The following DDC variants were observed in gnomAD, a reference collection of about 807,000 sequenced individuals.
The protein encoded by DDC is dopa decarboxylase.
DDC carries 43 observed loss-of-function variants against 60.0 expected under a neutral mutation model. The observed-to-expected ratio is 0.72, with a 90% confidence interval of 0.56 to 0.92. The LOEUF (loss-of-function observed/expected upper bound fraction) is 0.92, where lower values mean the gene tolerates loss of function less well. Ranked by LOEUF, DDC falls within the 40% of genes least tolerant of loss-of-function variation. DDC has a pLI of 0.00. For synonymous variants in DDC, 232 were observed against 234.6 expected, an observed-to-expected ratio of 0.99 and a Z score of 0.10; for missense variants, 573 against 620.2, an observed-to-expected ratio of 0.92 and a Z score of 0.81.
intron 7 of DDC, among the ~76,000 whole-genome samples, chr7:50,501,616 G>C (rs1425048815): frequency 6.6e-6 from 1 of 152,186 alleles, no homozygotes; most frequent in African/African-American, 2.4e-5. Context: ...ATCATATATA[G>C]AATAAGGTCA....
At chr7:50,464,179 A>G (rs368504225) in intron 13 of DDC, among the ~76,000 whole-genome samples, 89 of 152,156 alleles carry the variant, frequency 5.8e-4, no homozygotes, top group African/African-American at 2.0e-3. Context: ...GGGACACTGC[A>G]TCCTAGTCAC....
chr7:50,463,063 C>A, intron 14 of DDC, 150 bp downstream of exon 14: 1 of 694,704 alleles, frequency 1.4e-6, no homozygotes. Context: ...CCACCGCACC[C>A]GGCCTTCTCT....
chr7:50,501,441 C>G (rs1456722813), intron 7 of DDC, among the ~76,000 whole-genome samples: 3 of 152,194 alleles, frequency 2.0e-5, no homozygotes, highest in Admixed American at 6.5e-5. Flanking sequence ...CTGATCCATC[C>G]AAGCAGACCA....
chr7:50,470,242 G>A, intron 11 of DDC, 71 bp from the exon 12 acceptor site: 1 of 1,156,418 alleles, frequency 8.6e-7, no homozygotes, highest in Admixed American at 1.7e-5. Flanking sequence ...CGGCTCACCG[G>A]CTCGCCTATT....
At chr7:50,550,942 G>A (rs1437580355) in intron 1 of DDC, among the ~76,000 whole-genome samples, 1 of 152,156 alleles carries the variant, frequency 6.6e-6, no homozygotes, top group Non-Finnish European at 1.5e-5. Flanking sequence ...TAACAAATTA[G>A]CACTCAATAA....
intron 6 of DDC, among the ~76,000 whole-genome samples, chr7:50,507,477 C>T (rs1203878616): frequency 6.6e-6 from 1 of 152,148 alleles, no homozygotes; most frequent in Non-Finnish European, 1.5e-5. Context: ...GGTGATTCAC[C>T]CACCTCGGTC....
intron 10 of DDC, among the ~76,000 whole-genome samples, chr7:50,477,765 C>T (rs2042678759): frequency 6.6e-6 from 1 of 152,204 alleles, no homozygotes; most frequent in South Asian, 2.1e-4. Flanking sequence ...ACAGTACTCT[C>T]CTTTACGACA....
chr7:50,543,283 G>A (rs2044694616), intron 2 of DDC: 1 of 163,174 alleles, frequency 6.1e-6, no homozygotes, highest in South Asian at 1.7e-4. Context: ...AAGCTGAAGG[G>A]AAGTTTCTCT....
chr7:50,476,650 A>G lies in DDC; in HGVS notation c.1022-7T>C, dbSNP rs886164961. The G allele has an allele frequency of 1.9e-6, 3 of 1,611,240 alleles. No homozygotes were observed. The highest frequency in any genetic ancestry group is 1.7e-5 in the Admixed American group (1 of 60,032). On this transcript the variant is annotated splice_region_variant and splice_polypyrimidine_tract_variant and intron_variant, in intron 10 of 14. Coordinates refer to ENST00000444124, the MANE Select transcript of DDC (RefSeq NM_001082971.2). ...CGGTAGTCAGTGATAAGCCCTGGAG[A>G]AAAGAGAAAGAAAAAGAAAAAAGAA...
intron 2 of DDC, among the ~76,000 whole-genome samples, chr7:50,543,619 C>T (rs1364814077): frequency 6.6e-6 from 1 of 152,176 alleles, no homozygotes; most frequent in African/African-American, 2.4e-5. Flanking sequence ...GACTGAGTCT[C>T]AGGGGACCTG....
intron 4 of DDC, among the ~76,000 whole-genome samples, chr7:50,535,030 G>A (rs1317708036): frequency 6.6e-6 from 1 of 152,204 alleles, no homozygotes; most frequent in Non-Finnish European, 1.5e-5. Flanking sequence ...GAAGAAAATT[G>A]TGCTGGGACT....
chr7:50,512,298 A>G (rs1479020792), intron 6 of DDC, among the ~76,000 whole-genome samples: 1 of 152,190 alleles, frequency 6.6e-6, no homozygotes, highest in East Asian at 1.9e-4. Flanking sequence ...GTCAGGGATA[A>G]AAAAGAGCAT....
At chr7:50,541,304 C>G (rs1002320065) in intron 2 of DDC, 4 of 152,310 alleles carry the variant, frequency 2.6e-5, no homozygotes, top group Non-Finnish European at 5.9e-5. Flanking sequence ...CCTGTCATCC[C>G]TTCAGATAAA....
intron 9 of DDC, among the ~76,000 whole-genome samples, chr7:50,480,894 T>C (rs1473169294): frequency 1.6e-4 from 24 of 152,190 alleles, no homozygotes; most frequent in East Asian, 5.8e-4. Context: ...CTGGTAGTCA[T>C]TCTGCAGAAC....
At chr7:50,506,851 T>C (rs1228300386) in intron 6 of DDC, among the ~76,000 whole-genome samples, 3 of 152,264 alleles carry the variant, frequency 2.0e-5, no homozygotes, top group Non-Finnish European at 4.4e-5. Flanking sequence ...TCAGCATCCT[T>C]TCTTAACCTC....
At chr7:50,467,350 T>C (rs951518629) in intron 12 of DDC, 35 bp from the exon 13 acceptor site, 1 of 1,564,804 alleles carries the variant, frequency 6.4e-7, no homozygotes, top group Admixed American at 1.7e-5. Context: ...GTTTTTCTCA[T>C]GGCCATTTAA....
chr7:50,462,987 C>T (rs2042316091), intron 14 of DDC, among the ~76,000 whole-genome samples: 2 of 152,282 alleles, frequency 1.3e-5, no homozygotes, highest in East Asian at 3.9e-4. Context: ...CCAGGATGGT[C>T]TCAATCTCTT....
At chr7:50,565,109 G>A (rs190056162) in intron 1 of DDC, among the ~76,000 whole-genome samples, 176 bp downstream of exon 1, 2 of 152,290 alleles carry the variant, frequency 1.3e-5, no homozygotes, top group East Asian at 3.9e-4. Flanking sequence ...CAAGTGCACA[G>A]CCCCCACTGA....
chr7:50,494,273 C>T (rs1454909150), intron 9 of DDC, among the ~76,000 whole-genome samples: 1 of 152,092 alleles, frequency 6.6e-6, no homozygotes, highest in Non-Finnish European at 1.5e-5. Context: ...TTTGGGAGGC[C>T]GAGGAGGGTG....
Sources: gnomAD v4.1 joint callset for allele counts (sites outside exome capture counted in the v4.1 genomes callset) on GRCh38, gnomAD v4.1.1 for gene constraint, MANE v1.5 for transcripts, NCBI Gene and HGNC (gene_info 2026-07-23, HGNC 2026-07-21) for gene names.